The following CABCOCO1 variants were observed in gnomAD, a reference collection of about 807,000 sequenced individuals.
CABCOCO1 encodes ciliary-associated calcium-binding coiled-coil protein 1.
Under a neutral mutation model 35.7 loss-of-function variants are expected in CABCOCO1, and 28 were observed. The observed-to-expected ratio is 0.78, with a 90% CI of 0.58 to 1.07. The LOEUF is 1.07. Among genes scored for constraint, CABCOCO1 ranks in the 50% least tolerant of loss-of-function variants. CABCOCO1 has a pLI of 0.00. For missense variants in CABCOCO1, 326 were observed against 309.2 expected, an observed-to-expected ratio of 1.05 and a Z score of -0.41; for synonymous variants, 95 against 100.1, an observed-to-expected ratio of 0.95 and a Z score of 0.30.
At chr10:61,683,335 G>A (rs1839856626) in intron 3 of CABCOCO1, among the ~76,000 whole-genome samples, 1 of 152,096 alleles carries the variant, frequency 6.6e-6, no homozygotes, top group African/African-American at 2.4e-5. Flanking sequence ...CAAGGCAAGA[G>A]GAGCATTTGA....
chr10:61,726,293 A>G (rs1480187790), intron 5 of CABCOCO1, among the ~76,000 whole-genome samples: 1 of 152,182 alleles, frequency 6.6e-6, no homozygotes, highest in Non-Finnish European at 1.5e-5. Context: ...CATCCAATAT[A>G]AGGCTACGTA....
At chr10:61,691,211 T>C (rs10509156) in intron 5 of CABCOCO1, among the ~76,000 whole-genome samples, 59,826 of 152,074 alleles carry the variant, frequency 0.39, 14,040 homozygotes, top group Middle Eastern at 0.53. Context: ...TGTTATATGG[T>C]TTCCTAATTG....
chr10:61,736,625 C>T (rs1310098086), intron 5 of CABCOCO1, among the ~76,000 whole-genome samples: 2 of 152,076 alleles, frequency 1.3e-5, no homozygotes, highest in African/African-American at 2.4e-5. Flanking sequence ...GCTATTTGGG[C>T]TCTTTCATGG....
At chr10:61,737,291 C>G (rs1238745709) in intron 5 of CABCOCO1, among the ~76,000 whole-genome samples, 1 of 152,054 alleles carries the variant, frequency 6.6e-6, no homozygotes, top group Non-Finnish European at 1.5e-5. Context: ...ATTACAAGGT[C>G]AAAAAATAAC....
At chr10:61,763,790 T>TAA (rs548021084) in intron 7 of CABCOCO1, among the ~76,000 whole-genome samples, 38 of 137,688 alleles carry the variant, frequency 2.8e-4, no homozygotes, top group African/African-American at 9.8e-4. Context: ...TTTTTTTCCT[T>TAA]AAAAAAAAAA....
chr10:61,677,038 T>G (rs1839532632), intron 2 of CABCOCO1, among the ~76,000 whole-genome samples: 1 of 147,892 alleles, frequency 6.8e-6, no homozygotes, highest in African/African-American at 2.5e-5. Flanking sequence ...CACTCCAGCC[T>G]GGGCAAAAAG....
intron 5 of CABCOCO1, among the ~76,000 whole-genome samples, chr10:61,717,264 G>T (rs1290862054): frequency 6.6e-6 from 1 of 152,114 alleles, no homozygotes; most frequent in African/African-American, 2.4e-5. Context: ...ACACAGGAAA[G>T]AACTTTGGAA....
chr10:61,756,485 T>C (rs1841899662), intron 5 of CABCOCO1, among the ~76,000 whole-genome samples: 2 of 152,072 alleles, frequency 1.3e-5, no homozygotes, highest in African/African-American at 4.8e-5. Flanking sequence ...GTCTGCTCAT[T>C]ATCAGAAAAA....
intron 5 of CABCOCO1, among the ~76,000 whole-genome samples, chr10:61,715,410 G>T (rs1329587606): frequency 6.6e-6 from 1 of 151,866 alleles, no homozygotes; most frequent in Non-Finnish European, 1.5e-5. Context: ...GTGCATCTTT[G>T]CATGTGAGAG....
intron 5 of CABCOCO1, among the ~76,000 whole-genome samples, chr10:61,710,729 A>G (rs375707867): frequency 4.5e-4 from 68 of 151,952 alleles, no homozygotes; most frequent in Admixed American, 1.6e-3. Context: ...AGAAGCAAAG[A>G]TTTTTGAGGT....
chr10:61,721,987 G>A lies in CABCOCO1; in HGVS notation c.552+31366G>A, dbSNP rs141634410. ...TTATCTATAAAAATCTTCCACAGAAGGCCAAAATGCTCAGCCATGTGCCCA... is the reference window on the plus strand; with the variant it reads ...TTATCTATAAAAATCTTCCACAGAAAGCCAAAATGCTCAGCCATGTGCCCA... On this transcript the variant is annotated intron_variant, in intron 5 of 7. Transcript: ENST00000648843. Among the ~76,000 whole-genome samples, 1,220 of 152,236 alleles carry A rather than the reference G, an allele frequency of 8.0e-3. 13 individuals are homozygous for A. Among genetic ancestry groups the A allele is most frequent in the Middle Eastern group, 0.027 (8 of 294 alleles).
intron 1 of CABCOCO1, among the ~76,000 whole-genome samples, chr10:61,663,349 A>G (rs1488221748): frequency 6.6e-6 from 1 of 150,408 alleles, no homozygotes; most frequent in African/African-American, 2.4e-5. Context: ...CTTCTACCGC[A>G]GGTTTTGTTT....
At chr10:61,737,683 C>T (rs1454458288) in intron 5 of CABCOCO1, among the ~76,000 whole-genome samples, 1 of 152,186 alleles carries the variant, frequency 6.6e-6, no homozygotes, top group Non-Finnish European at 1.5e-5. Flanking sequence ...AGGCTATCAT[C>T]TTTAGCAAAC....
At chr10:61,735,096 A>C (rs1841386621) in intron 5 of CABCOCO1, among the ~76,000 whole-genome samples, 1 of 152,114 alleles carries the variant, frequency 6.6e-6, no homozygotes, top group Non-Finnish European at 1.5e-5. Flanking sequence ...GTGATATCTA[A>C]GATGCCTCTT....
At chr10:61,681,057 G>T in intron 2 of CABCOCO1, 86 bp from the exon 3 acceptor site, 1 of 835,002 alleles carries the variant, frequency 1.2e-6, no homozygotes, top group Non-Finnish European at 1.6e-6. Context: ...GGGCATTAAA[G>T]AAAAAGACCT....
chr10:61,720,526 T>G (rs1166790505), intron 5 of CABCOCO1, among the ~76,000 whole-genome samples: 4 of 152,106 alleles, frequency 2.6e-5, no homozygotes, highest in Non-Finnish European at 5.9e-5. Flanking sequence ...CTAGCCAATA[T>G]ACAGATTAAT....
chr10:61,707,276 G>C (rs1414514616), intron 5 of CABCOCO1, among the ~76,000 whole-genome samples: 1 of 152,150 alleles, frequency 6.6e-6, no homozygotes, highest in East Asian at 1.9e-4. Context: ...GTGCACTCAG[G>C]ATACGGGACT....
At chr10:61,735,970 T>C (rs925253400) in intron 5 of CABCOCO1, among the ~76,000 whole-genome samples, 1 of 152,172 alleles carries the variant, frequency 6.6e-6, no homozygotes, top group African/African-American at 2.4e-5. Context: ...TTGAGAGGTA[T>C]CTGTTCATGT....
chr10:61,761,083 C>T (rs1841999913), intron 7 of CABCOCO1, 80 bp downstream of exon 7: 18 of 1,420,944 alleles, frequency 1.3e-5, no homozygotes, highest in Non-Finnish European at 1.7e-5. Flanking sequence ...TATAAACACT[C>T]CCCACACTGC....
Sources: gnomAD v4.1 joint callset for allele counts (sites outside exome capture counted in the v4.1 genomes callset) on GRCh38, gnomAD v4.1.1 for gene constraint, MANE v1.5 for transcripts, NCBI Gene and HGNC (gene_info 2026-07-23, HGNC 2026-07-21) for gene names.